HS6ST2: variants seen among roughly 807,000 people sequenced by gnomAD.
HS6ST2 encodes the protein heparan-sulfate 6-O-sulfotransferase 2.
Under a neutral mutation model 33.0 loss-of-function variants are expected in HS6ST2, and 17 were observed. The observed-to-expected ratio is 0.52, with a 90% CI of 0.35 to 0.77. The LOEUF is 0.77. HS6ST2 is among the 30% of genes least tolerant of loss of function. HS6ST2 has a pLI of 0.01. For synonymous variants in HS6ST2, 248 were observed against 237.1 expected (o/e 1.05, Z -0.42); for missense variants, 519 against 551.7 (o/e 0.94, Z 0.59).
At chrX:132,762,918 A>G (rs1295948008) in intron 2 of HS6ST2, among the ~76,000 whole-genome samples, 2 of 111,928 alleles carry the variant, frequency 1.8e-5, no homozygotes, top group African/African-American at 6.5e-5. Context: ...TAACTCTGTC[A>G]CTTACTATCA....
intron 2 of HS6ST2, among the ~76,000 whole-genome samples, chrX:132,944,613 G>T (rs2066925453): frequency 9.0e-6 from 1 of 111,504 alleles, no homozygotes; most frequent in Non-Finnish European, 1.9e-5. Flanking sequence ...ATACTACAAG[G>T]CTACAGTAAC....
intron 2 of HS6ST2, among the ~76,000 whole-genome samples, chrX:132,924,567 T>C (rs1456634919): frequency 1.8e-5 from 2 of 111,969 alleles, no homozygotes; most frequent in Non-Finnish European, 3.8e-5. Context: ...GAATGACTGA[T>C]GGCTGGGGGC....
chrX:132,812,207 T>C lies in HS6ST2; in HGVS notation c.948-103713A>G, dbSNP rs947704245. Among the ~76,000 whole-genome samples the C allele has an allele frequency of 1.2e-4, 13 of 108,742 alleles. 1 individual carries two copies. The highest frequency in any genetic ancestry group is 2.5e-4 in the Non-Finnish European group (13 of 52,552). The allele number at this position is 108,742 out of a possible 115,157, so 94.4% of individuals were successfully genotyped here. On this transcript the variant is annotated intron_variant, in intron 2 of 4. Transcript: ENST00000370833. ...AGATCACGAGGTCAGGAGTTCGAAATCAGCCTGGCCAACATGGTGAAACCC... is the reference window on the plus strand; with the variant it reads ...AGATCACGAGGTCAGGAGTTCGAAACCAGCCTGGCCAACATGGTGAAACCC...
intron 2 of HS6ST2, among the ~76,000 whole-genome samples, chrX:132,895,360 G>A (rs1420197343): frequency 9.0e-6 from 1 of 111,114 alleles, no homozygotes; most frequent in African/African-American, 3.3e-5. Flanking sequence ...CTCAATAAAC[G>A]AAAAATATTT....
At chrX:132,863,491 A>ATTTTTTT (rs113230236) in intron 2 of HS6ST2, among the ~76,000 whole-genome samples, 7 of 94,285 alleles carry the variant, frequency 7.4e-5, no homozygotes, top group Non-Finnish European at 1.0e-4. Flanking sequence ...AGCTAACTTA[A>ATTTTTTT]TTTTTTTTTT....
chrX:132,958,388 C>A lies in HS6ST2; in HGVS notation c.215G>T (p.Arg72Leu). Reference protein sequence around the residue: ...FHTRPLLDKPRKASSSLAGAA... With the variant: ...FHTRPLLDKPLKASSSLAGAA... ...TCCCGCCAGGGAAGAAGACGCCTTT[C>A]GGGGCTTGTCCAGGAGCGGCCGGGT... Residue 72 changes from arginine (R) to leucine (L), a missense_variant, in exon 1 of 5, where the codon CGA becomes CTA. Transcript: ENST00000370833. The A allele has an allele frequency of 8.3e-7, 1 of 1,198,664 alleles. No individual in the cohort carries two copies.
Position 132,628,811 on chromosome X carries a change from T to G in HS6ST2, c.1350A>C (p.Glu450Asp), listed in dbSNP as rs1417464706. The change falls in exon 5 of 5, where the codon GAA (glutamate) becomes GAC (aspartate). Residue 450 changes from glutamate (E) to aspartate (D), a missense_variant. Transcript: ENST00000370833. ...VGCYNLSVMP[E>D]KQRNKVLLES... ...CCAGAAGGACCTTGTTTCTTTGCTT[T>G]TCAGGCATGACAGAGAGGTTGTAGC... is the stretch of plus-strand genomic sequence containing the variant. 6 of 1,210,231 alleles carry G rather than the reference T, an allele frequency of 5.0e-6. No individual in the cohort carries two copies. The highest frequency in any genetic ancestry group is 5.6e-6 in the Non-Finnish European group (5 of 895,210).
intron 2 of HS6ST2, among the ~76,000 whole-genome samples, chrX:132,725,509 T>C (rs1469482718): frequency 8.9e-6 from 1 of 111,848 alleles, no homozygotes; most frequent in African/African-American, 3.2e-5. Context: ...AGACAGGCAA[T>C]AACAAATGCT....
chrX:132,902,987 C>T (rs1237615575), intron 2 of HS6ST2, among the ~76,000 whole-genome samples: 1 of 111,448 alleles, frequency 9.0e-6, no homozygotes, highest in African/African-American at 3.3e-5. Context: ...ACAGGCACCC[C>T]AGTTGGAAAA....
intron 2 of HS6ST2, among the ~76,000 whole-genome samples, chrX:132,833,932 T>C (rs1217958337): frequency 6.3e-5 from 7 of 110,798 alleles, no homozygotes; most frequent in African/African-American, 2.3e-4. Context: ...GAAATGTTAA[T>C]AACTACAGGT....
intron 2 of HS6ST2, among the ~76,000 whole-genome samples, chrX:132,745,975 G>C (rs1342408117): frequency 8.9e-6 from 1 of 111,938 alleles, no homozygotes; most frequent in Non-Finnish European, 1.9e-5. Context: ...TCAGCATTGA[G>C]AATGACAGAC....
At chrX:132,748,851 T>A (rs1057090272) in intron 2 of HS6ST2, among the ~76,000 whole-genome samples, 1 of 111,542 alleles carries the variant, frequency 9.0e-6, no homozygotes, top group East Asian at 2.8e-4. Flanking sequence ...GCTCAAGCAA[T>A]CCACCTGCCA....
chrX:132,686,028 TCA>T (rs765288163), intron 3 of HS6ST2, among the ~76,000 whole-genome samples: 4 of 111,763 alleles, frequency 3.6e-5, no homozygotes, highest in African/African-American at 1.3e-4. Context: ...AGATAACTGT[TCA>T]TTAATTTTCA....
At chrX:132,821,492 G>A (rs1209053333) in intron 2 of HS6ST2, among the ~76,000 whole-genome samples, 6 of 109,906 alleles carry the variant, frequency 5.5e-5, no homozygotes, top group African/African-American at 1.3e-4. Context: ...GATTACAAGC[G>A]TGAGCCACCG....
chrX:132,877,051 G>A (rs2148436415), intron 2 of HS6ST2, among the ~76,000 whole-genome samples: 1 of 112,069 alleles, frequency 8.9e-6, no homozygotes, highest in Non-Finnish European at 1.9e-5. Flanking sequence ...TTATAGCTGA[G>A]AAGTTGGAAC....
intron 2 of HS6ST2, among the ~76,000 whole-genome samples, chrX:132,809,475 G>A (rs753145886): frequency 5.4e-5 from 6 of 112,079 alleles, no homozygotes; most frequent in South Asian, 3.8e-4. Context: ...ACTGTGGTTC[G>A]TATCAGGAAT....
intron 2 of HS6ST2, among the ~76,000 whole-genome samples, chrX:132,805,162 T>C (rs2077364086): frequency 9.0e-6 from 1 of 111,384 alleles, no homozygotes; most frequent in African/African-American, 3.3e-5. Context: ...GTTTGGTAGA[T>C]TGCAGATCCG....
At chrX:132,944,522 C>T (rs1469699602) in intron 2 of HS6ST2, among the ~76,000 whole-genome samples, 3 of 111,581 alleles carry the variant, frequency 2.7e-5, no homozygotes, top group Non-Finnish European at 5.7e-5. Flanking sequence ...TCATATGGAA[C>T]CAAAAAAGAG....
At chrX:132,918,664 G>T (rs1569503750) in intron 2 of HS6ST2, among the ~76,000 whole-genome samples, 1 of 111,542 alleles carries the variant, frequency 9.0e-6, no homozygotes, top group Non-Finnish European at 1.9e-5. Flanking sequence ...TTCCTGGGTG[G>T]TCTTAGTGAA....
Sources: allele counts gnomAD v4.1 joint callset (sites outside exome capture counted in the v4.1 genomes callset), GRCh38; gene constraint gnomAD v4.1.1; transcripts MANE v1.5; gene names NCBI Gene and HGNC (gene_info 2026-07-23, HGNC 2026-07-21).